CACNA1D: variants seen among roughly 807,000 people sequenced by gnomAD.
The protein encoded by CACNA1D is calcium voltage-gated channel subunit alpha1 D.
Under a neutral mutation model 257.1 loss-of-function variants are expected in CACNA1D, and 55 were observed. That is an observed-to-expected ratio of 0.21 (90% CI 0.17 to 0.27). The LOEUF (loss-of-function observed/expected upper bound fraction) is 0.27, where lower values mean the gene tolerates loss of function less well. CACNA1D is among the 10% of genes least tolerant of loss of function. The pLI is 1.00. For synonymous variants in CACNA1D, 980 were observed against 1,014.9 expected, an observed-to-expected ratio of 0.97 and a Z score of 0.65; for missense variants, 1,876 against 2,784.0, an observed-to-expected ratio of 0.67 and a Z score of 7.34.
Position 53,662,504 on chromosome 3 carries a change from A to G in CACNA1D, c.766+2229A>G, listed in dbSNP as rs114810506. 2.3e-3 allele frequency among the ~76,000 whole-genome samples: 354 copies of G among 152,326 alleles called. 3 individuals are homozygous for G. Among genetic ancestry groups the G allele is most frequent in the African/African-American group, 7.6e-3 (317 of 41,574 alleles). On this transcript the variant is annotated intron_variant, in intron 5 of 47. Transcript: ENST00000350061. ...TCAAAGTTCAAGACCATCAAAGTGG[A>G]AAAGAATCCTAAAGATCATCTGGTC...
intron 3 of CACNA1D, among the ~76,000 whole-genome samples, chr3:53,541,603 AGTCTTTTGGATCTCTGATTTT>A (rs1559813970): frequency 3.3e-5 from 5 of 152,192 alleles, no homozygotes; most frequent in Non-Finnish European, 5.9e-5. Flanking sequence ...GGGACTGACC[AGTCTTTTGGATCTCTGATTTT>A]GTTAAAGCGG....
At chr3:53,591,410 G>A (rs1458382832) in intron 3 of CACNA1D, among the ~76,000 whole-genome samples, 3 of 151,878 alleles carry the variant, frequency 2.0e-5, no homozygotes, top group Non-Finnish European at 2.9e-5. Flanking sequence ...GCACCACCAC[G>A]CCCCGCTAAT....
chr3:53,790,857 T>A, intron 40 of CACNA1D: 1 of 648,392 alleles, frequency 1.5e-6, no homozygotes, highest in Non-Finnish European at 2.8e-6. Context: ...TTTTGTTATT[T>A]TTTTAAAGCA....
At chr3:53,513,210 A>C (rs2091192080) in intron 3 of CACNA1D, among the ~76,000 whole-genome samples, 1 of 152,196 alleles carries the variant, frequency 6.6e-6, no homozygotes. Context: ...CCTGTGCTGA[A>C]TAACAGTGTT....
At chr3:53,787,016 C>T (rs2095457346) in intron 40 of CACNA1D, 64 bp downstream of exon 40, 1 of 1,535,712 alleles carries the variant, frequency 6.5e-7, no homozygotes, top group South Asian at 1.1e-5. Context: ...ATTTGAAATA[C>T]TAGAGAGCTG....
At chr3:53,770,737 T>C (rs2095361820) in intron 32 of CACNA1D, among the ~76,000 whole-genome samples, 185 bp downstream of exon 32, 1 of 152,206 alleles carries the variant, frequency 6.6e-6, no homozygotes, top group Admixed American at 6.5e-5. Flanking sequence ...ATGGGATTAC[T>C]TGCCTAAAGG....
intron 32 of CACNA1D, 99 bp from the exon 33 acceptor site, chr3:53,772,734 G>T: frequency 1.2e-6 from 1 of 851,508 alleles, no homozygotes; most frequent in South Asian, 1.3e-5. Context: ...ACGTGGAATA[G>T]AAAGGAAGCA....
chr3:53,713,300 A>C (rs937911786), intron 9 of CACNA1D, among the ~76,000 whole-genome samples: 1 of 152,216 alleles, frequency 6.6e-6, no homozygotes, highest in African/African-American at 2.4e-5. Context: ...CTGGTAGCCA[A>C]GCATAGGGGA....
intron 3 of CACNA1D, among the ~76,000 whole-genome samples, chr3:53,546,158 G>GGGCTGT (rs972661804): frequency 6.6e-5 from 10 of 152,322 alleles, no homozygotes; most frequent in South Asian, 2.1e-4. Flanking sequence ...GGCTGCATGA[G>GGGCTGT]GGCTGTGGCT....
rs1028832130 is a variant in CACNA1D at position 53,731,059 on chromosome 3, C to G, written c.2337-18C>G. On this transcript the variant is annotated intron_variant, in intron 16 of 47. Transcript: ENST00000350061. Reference sequence around the variant, plus strand: ...ACATGGTTATTTGGTTTCTTGTGCTCTTTTCTCTTCTCTTTAGAAAAGAGA... The same window carrying G: ...ACATGGTTATTTGGTTTCTTGTGCTGTTTTCTCTTCTCTTTAGAAAAGAGA... 6 of 1,540,432 alleles carry G rather than the reference C, an allele frequency of 3.9e-6. No individual in the cohort carries two copies. The highest frequency in any genetic ancestry group is 5.4e-6 in the Non-Finnish European group (6 of 1,113,688).
At chr3:53,534,627 C>G (rs551166420) in intron 3 of CACNA1D, among the ~76,000 whole-genome samples, 1 of 152,180 alleles carries the variant, frequency 6.6e-6, no homozygotes, top group Non-Finnish European at 1.5e-5. Flanking sequence ...GTTTCTGTGA[C>G]CCACGCCCTT....
intron 3 of CACNA1D, among the ~76,000 whole-genome samples, chr3:53,636,162 G>A (rs2093881107): frequency 6.6e-6 from 1 of 152,246 alleles, no homozygotes. Context: ...TATCACAACT[G>A]GTGTCCAGGG....
At position 53,774,886 on chromosome 3, in the gene CACNA1D, T is replaced by C. The variant is rs1426075905; in HGVS notation, c.4202+208T>C. The stretch of plus-strand genomic sequence containing the variant: ...TGCTGGATTGTTAAAACTGCTGTGG[T>C]AATCCCGATTGTGGCTGGCATAAGG... On this transcript the variant is annotated intron_variant, in intron 34 of 47. Transcript: ENST00000350061. The surrounding 1 kb of genome is among the most constrained non-coding windows in gnomAD (Gnocchi z 4.3). Among the ~76,000 whole-genome samples, 7 of 152,246 alleles carry C rather than the reference T, an allele frequency of 4.6e-5. No individual in the cohort carries two copies. Among genetic ancestry groups the C allele is most frequent in the African/African-American group, 1.7e-4 (7 of 41,466 alleles).
At chr3:53,503,964 C>T (rs979557923) in intron 3 of CACNA1D, among the ~76,000 whole-genome samples, 2 of 151,940 alleles carry the variant, frequency 1.3e-5, no homozygotes, top group African/African-American at 2.4e-5. Flanking sequence ...TCCTTTCCCA[C>T]TGTGGGAAGG....
rs576183607 is a variant in CACNA1D at position 53,546,057 on chromosome 3, G to T, written c.483+44337G>T. ...GAATGTCTAAGGCTCGTGGATGGGG[G>T]AAGGAGAAGTGACAAGGGATCACAG... On this transcript the variant is annotated intron_variant, in intron 3 of 47. Coordinates refer to ENST00000350061, the MANE Select transcript of CACNA1D (RefSeq NM_001128840.3). Among the ~76,000 whole-genome samples, 4 of 152,310 alleles carry T rather than the reference G, an allele frequency of 2.6e-5. No homozygotes were observed. The East Asian group carries it at 7.7e-4, about 29-fold the overall frequency.
chr3:53,631,142 C>A (rs2093818641), intron 3 of CACNA1D, among the ~76,000 whole-genome samples: 1 of 152,158 alleles, frequency 6.6e-6, no homozygotes, highest in Admixed American at 6.5e-5. Flanking sequence ...ATGATAGATT[C>A]TTCCTTTCAT....
chr3:53,642,742 A>G (rs368882059), intron 3 of CACNA1D, among the ~76,000 whole-genome samples: 2 of 152,230 alleles, frequency 1.3e-5, no homozygotes, highest in East Asian at 1.9e-4. Flanking sequence ...CCCTGGGCAC[A>G]TTCTAGACAG....
rs34313562 is a variant in CACNA1D at position 53,548,352 on chromosome 3, CTTTTTTTT to C, written c.483+46644_483+46651del. ...ATTGTATCCATTGTAAGCAACAAAG[CTTTTTTTT>C]TTTTTTTTTTTAAAAATTATCTTTA... On this transcript the variant is annotated intron_variant, in intron 3 of 47. Coordinates refer to ENST00000350061, the MANE Select transcript of CACNA1D (RefSeq NM_001128840.3). Among the ~76,000 whole-genome samples the C allele has an allele frequency of 3.7e-3, 266 of 71,586 alleles. 2 individuals carry two copies. Among genetic ancestry groups the C allele is most frequent in the African/African-American group, 0.01 (209 of 20,826 alleles). 47.0% of individuals were successfully genotyped at this position (71,586 alleles called of 152,430 possible).
chr3:53,802,007 G>T (rs959298521), intron 42 of CACNA1D, 140 bp from the exon 43 acceptor site: 1 of 786,494 alleles, frequency 1.3e-6, no homozygotes, highest in Non-Finnish European at 2.3e-6. Context: ...ACAAGGCCAG[G>T]TGGCAGCCCC....
Sources: gnomAD v4.1 joint callset for allele counts (sites outside exome capture counted in the v4.1 genomes callset) on GRCh38, gnomAD v4.1.1 for gene constraint, Gnocchi (gnomAD v3.1) non-coding constraint, MANE v1.5 for transcripts, NCBI Gene and HGNC (gene_info 2026-07-23, HGNC 2026-07-21) for gene names.